EPB41L3: variants seen among roughly 807,000 people sequenced by gnomAD.
EPB41L3 encodes erythrocyte membrane protein band 4.1 like 3.
Under a neutral mutation model 127.1 loss-of-function variants are expected in EPB41L3, and 57 were observed. That is an observed-to-expected ratio of 0.45 (90% CI 0.36 to 0.56). EPB41L3 has a LOEUF of 0.56. Among genes scored for constraint, EPB41L3 ranks in the 20% least tolerant of loss-of-function variants. The probability of loss-of-function intolerance (pLI) is 0.00; values close to 1 mark genes in which losing one functional copy is unlikely to be tolerated. For synonymous variants in EPB41L3, 572 were observed against 549.5 expected (o/e 1.04, Z -0.57); for missense variants, 1,273 against 1,372.2 (o/e 0.93, Z 1.14).
intron 1 of EPB41L3, among the ~76,000 whole-genome samples, chr18:5,614,949 G>A (rs1485705635): frequency 6.6e-6 from 1 of 152,176 alleles, no homozygotes; most frequent in Non-Finnish European, 1.5e-5. Context: ...AAGAGAGTAT[G>A]AACATGGCCA....
intron 3 of EPB41L3, chr18:5,577,455 C>T: frequency 2.6e-6 from 1 of 380,938 alleles, no homozygotes; most frequent in Non-Finnish European, 5.1e-6. Flanking sequence ...GGAATATTCT[C>T]TGTGAAACAC....
chr18:5,528,174 TTTTA>T (rs200083636), intron 1 of EPB41L3, among the ~76,000 whole-genome samples: 2,873 of 152,176 alleles, frequency 0.019, 25 homozygotes, highest in Non-Finnish European at 0.031. Context: ...GTTGTTTTTA[TTTTA>T]TTTATTTGAG....
At chr18:5,480,252 A>T (rs1285224734) in intron 2 of EPB41L3, 1 of 152,186 alleles carries the variant, frequency 6.6e-6, no homozygotes, top group East Asian at 1.9e-4. Context: ...CATGAACCCA[A>T]CACTAAGGCC....
Position 5,428,242 on chromosome 18 carries a change from G to A in EPB41L3, c.1065+71C>T, listed in dbSNP as rs189163954. ...CCACAATGCTCAGAACTCATAAGCAGATAATTTAAATGCTTGCTTGCTATC... is the reference window on the plus strand; with the variant it reads ...CCACAATGCTCAGAACTCATAAGCAAATAATTTAAATGCTTGCTTGCTATC... On this transcript the variant is annotated intron_variant, in intron 9 of 22. Coordinates refer to ENST00000341928, the MANE Select transcript of EPB41L3 (RefSeq NM_012307.5). 5.7e-4 allele frequency: 890 copies of A among 1,572,040 alleles called. 2 individuals carry two copies. The highest frequency in any genetic ancestry group is 7.2e-4 in the Non-Finnish European group (823 of 1,147,168).
intron 16 of EPB41L3, among the ~76,000 whole-genome samples, chr18:5,406,521 T>A (rs2075410242): frequency 6.6e-6 from 1 of 152,116 alleles, no homozygotes; most frequent in South Asian, 2.1e-4. Context: ...ATGGTCAGAA[T>A]CAGCTGATTT....
intron 1 of EPB41L3, among the ~76,000 whole-genome samples, chr18:5,499,035 T>A (rs1186244520): frequency 6.6e-6 from 1 of 152,226 alleles, no homozygotes; most frequent in Non-Finnish European, 1.5e-5. Flanking sequence ...CTATAAGCCA[T>A]GTGTGATGGT....
intron 2 of EPB41L3, among the ~76,000 whole-genome samples, chr18:5,478,722 T>C (rs2087754973): frequency 1.3e-5 from 2 of 152,236 alleles, no homozygotes; most frequent in African/African-American, 2.4e-5. Context: ...CAATGAATAA[T>C]TGACTCCTGA....
chr18:5,491,198 G>GGAT (rs2090556597), intron 1 of EPB41L3, among the ~76,000 whole-genome samples: 1 of 152,164 alleles, frequency 6.6e-6, no homozygotes, highest in South Asian at 2.1e-4. Context: ...CCCACTGGCT[G>GGAT]GATGTGCAGG....
intron 16 of EPB41L3, among the ~76,000 whole-genome samples, chr18:5,405,963 C>T (rs930321193): frequency 2.0e-5 from 3 of 152,136 alleles, no homozygotes; most frequent in Non-Finnish European, 2.9e-5. Context: ...CGATGGCTCA[C>T]GCCTGTAATC....
At chr18:5,545,915 GTGTA>G (rs948356365), upstream of EPB41L3, among the ~76,000 whole-genome samples, 5 of 127,436 alleles carry the variant, frequency 3.9e-5, no homozygotes, top group East Asian at 2.4e-4. Context: ...GTGTGTGTGT[GTGTA>G]GCACATAAGG....
At chr18:5,464,620 T>A (rs11081200) in intron 3 of EPB41L3, among the ~76,000 whole-genome samples, 49,275 of 151,974 alleles carry the variant, frequency 0.32, 8,339 homozygotes, top group East Asian at 0.47. Context: ...GTCATTTTTT[T>A]AAAACCCAGA....
chr18:5,525,914 C>A (rs996178050), intron 1 of EPB41L3, among the ~76,000 whole-genome samples: 5 of 152,196 alleles, frequency 3.3e-5, no homozygotes, highest in East Asian at 1.9e-4. Flanking sequence ...ATTGGAGAAA[C>A]AACCAATGCA....
rs1017217722 is a variant in EPB41L3 at position 5,401,699 on chromosome 18, A to G, written c.2350-3556T>C. On this transcript the variant is annotated intron_variant, in intron 16 of 22. Transcript: ENST00000341928. ...TCTTGCTGGAAAATTAAGTATATCA[A>G]TTCATACTTTAACATAAAAAATTAA... Among the ~76,000 whole-genome samples the G allele has an allele frequency of 7.6e-4, 115 of 152,288 alleles. 1 individual carries two copies. Among genetic ancestry groups the G allele is most frequent in the African/African-American group, 2.6e-3 (110 of 41,584 alleles).
At chr18:5,445,722 G>C (rs1207841400) in intron 3 of EPB41L3, among the ~76,000 whole-genome samples, 1 of 152,202 alleles carries the variant, frequency 6.6e-6, no homozygotes, top group Non-Finnish European at 1.5e-5. Flanking sequence ...GTTAGGAAGA[G>C]GGCTGCACAG....
chr18:5,466,652 A>C (rs1303698425), intron 3 of EPB41L3, among the ~76,000 whole-genome samples: 1 of 152,208 alleles, frequency 6.6e-6, no homozygotes, highest in African/African-American at 2.4e-5. Context: ...TCTGTGTCAA[A>C]AAGTGCTCAT....
intron 3 of EPB41L3, among the ~76,000 whole-genome samples, chr18:5,549,879 T>C (rs569409035): frequency 6.6e-6 from 1 of 152,192 alleles, no homozygotes; most frequent in Non-Finnish European, 1.5e-5. Flanking sequence ...CTCAGACATA[T>C]ACGAGAGCTG....
intron 1 of EPB41L3, among the ~76,000 whole-genome samples, chr18:5,506,862 T>C (rs866500723): frequency 3.2e-4 from 48 of 152,202 alleles, no homozygotes; most frequent in Non-Finnish European, 5.9e-4. Flanking sequence ...CTTAAAAAGA[T>C]AGTTTTAAGT....
At chr18:5,554,363 A>G (rs1284384058) in intron 3 of EPB41L3, among the ~76,000 whole-genome samples, 1 of 152,234 alleles carries the variant, frequency 6.6e-6, no homozygotes, top group Admixed American at 6.5e-5. Context: ...ATTATAAAAT[A>G]TGGGACTCTT....
At chr18:5,465,546 G>A (rs1221444226) in intron 3 of EPB41L3, among the ~76,000 whole-genome samples, 1 of 152,052 alleles carries the variant, frequency 6.6e-6, no homozygotes, top group East Asian at 1.9e-4. Context: ...AAAGACAAAG[G>A]CTTAGAAGGG....
Sources: gnomAD v4.1 joint callset for allele counts (sites outside exome capture counted in the v4.1 genomes callset) on GRCh38, gnomAD v4.1.1 for gene constraint, MANE v1.5 for transcripts, NCBI Gene and HGNC (gene_info 2026-07-23, HGNC 2026-07-21) for gene names.